The following SORD variants were observed in gnomAD, a reference collection of about 807,000 sequenced individuals.
SORD encodes sorbitol dehydrogenase.
A neutral mutation model predicts 35.6 loss-of-function variants in SORD; 18 were observed. The ratio of observed to expected loss-of-function variants is 0.51; its 90% CI spans 0.35 to 0.75. SORD has a LOEUF of 0.75. SORD is among the 30% of genes least tolerant of loss of function. The pLI, the probability that SORD is intolerant of heterozygous loss-of-function variation, is 0.01. For missense variants in SORD, 250 were observed against 390.2 expected, an observed-to-expected ratio of 0.64 and a Z score of 3.03; for synonymous variants, 106 against 152.9, an observed-to-expected ratio of 0.69 and a Z score of 2.26.
At chr15:45,068,008 A>T (rs1468388416) in intron 5 of SORD, among the ~76,000 whole-genome samples, 173 bp from the exon 6 acceptor site, 1 of 152,172 alleles carries the variant, frequency 6.6e-6, no homozygotes, top group Non-Finnish European at 1.5e-5. Flanking sequence ...ATAATTCTTC[A>T]TGGATTTATT....
At chr15:45,063,035 G>A (rs1488019999) in intron 4 of SORD, among the ~76,000 whole-genome samples, 1 of 147,730 alleles carries the variant, frequency 6.8e-6, no homozygotes, top group Non-Finnish European at 1.5e-5. Flanking sequence ...CTGAAAGAGA[G>A]CCTTGTGCTG....
At chr15:45,062,915 T>C (rs1893344506) in intron 4 of SORD, among the ~76,000 whole-genome samples, 1 of 146,406 alleles carries the variant, frequency 6.8e-6, no homozygotes. Context: ...GAGAAAAGCA[T>C]ATCAAGTCTC....
chr15:45,038,068 C>A (rs1892898524), intron 1 of SORD, among the ~76,000 whole-genome samples: 1 of 152,262 alleles, frequency 6.6e-6, no homozygotes, highest in South Asian at 2.1e-4. Flanking sequence ...GTTTTGGTGA[C>A]AATCAGCTAT....
chr15:45,072,758 C>T (rs192345368), intron 8 of SORD, among the ~76,000 whole-genome samples: 1 of 139,130 alleles, frequency 7.2e-6, no homozygotes, highest in Non-Finnish European at 1.5e-5. Context: ...CATTTTCTCC[C>T]TTTAAAGGGA....
intron 1 of SORD, among the ~76,000 whole-genome samples, chr15:45,039,543 T>C (rs959220748): frequency 6.6e-6 from 1 of 152,038 alleles, no homozygotes; most frequent in African/African-American, 2.4e-5. Context: ...GAAAGAAGGC[T>C]TAGTAAACCA....
chr15:45,053,666 T>A (rs1200244218), intron 3 of SORD, among the ~76,000 whole-genome samples: 1 of 151,848 alleles, frequency 6.6e-6, no homozygotes, highest in Non-Finnish European at 1.5e-5. Flanking sequence ...TATTATACTT[T>A]AAGTTTTAGG....
intron 4 of SORD, among the ~76,000 whole-genome samples, chr15:45,064,616 A>G (rs893924686): frequency 9.9e-5 from 15 of 152,174 alleles, no homozygotes; most frequent in Non-Finnish European, 1.9e-4. Context: ...CAGGGCAGCC[A>G]CTGTCCTCAG....
intron 3 of SORD, among the ~76,000 whole-genome samples, chr15:45,052,686 C>G (rs1172965499): frequency 6.6e-6 from 1 of 152,198 alleles, no homozygotes; most frequent in African/African-American, 2.4e-5. Context: ...CAGACAGAGT[C>G]TCAGCCTTGC....
At chr15:45,036,529 C>T (rs1892869971) in intron 1 of SORD, among the ~76,000 whole-genome samples, 1 of 151,578 alleles carries the variant, frequency 6.6e-6, no homozygotes, top group African/African-American at 2.4e-5. Context: ...CCGTCTCTAC[C>T]AAAAATAAAA....
rs200542460 is a variant in SORD at position 45,034,201 on chromosome 15, T to C, written c.67-6207T>C. Among the ~76,000 whole-genome samples the C allele has an allele frequency of 3.4e-4, 52 of 151,974 alleles. 1 individual carries two copies. The highest frequency in any genetic ancestry group is 2.7e-3 in the East Asian group (14 of 5,180). ...GCATTCCCTTTCATGATTATCATTATATGAAGGAGGAAATTGGGGCACACA... is the reference window on the plus strand; with the variant it reads ...GCATTCCCTTTCATGATTATCATTACATGAAGGAGGAAATTGGGGCACACA... On this transcript the variant is annotated intron_variant, in intron 1 of 8. Coordinates refer to ENST00000267814, the MANE Select transcript of SORD (RefSeq NM_003104.6).
At chr15:45,042,499 A>AT (rs1555409489) in intron 2 of SORD, 1 of 150,658 alleles carries the variant, frequency 6.6e-6, no homozygotes. Context: ...CTAAAAATAA[A>AT]AAATAAATAA....
At position 45,065,317 on chromosome 15, in the gene SORD, C is replaced by A. The variant is rs377682512; in HGVS notation, c.472C>A (p.Leu158Ile). 4.3e-6 allele frequency: 7 copies of A among 1,613,916 alleles called. No individual in the cohort carries two copies. Among genetic ancestry groups the A allele is most frequent in the Admixed American group, 1.7e-5 (1 of 59,996 alleles). ...TFEEGALIEPLSVGIHACRRG... is the reference protein window; with the variant it reads ...TFEEGALIEPISVGIHACRRG... ...TGAGGAAGGCGCCCTGATCGAGCCA[C>A]TTTCTGTGGGGATCCATGCCTGCAG... The change falls in exon 5 of 9, where the codon CTT becomes ATT. Residue 158 changes from leucine to isoleucine, a missense_variant. Physicochemically the swap from Leu to Ile is conservative, Grantham distance 5. Transcript: ENST00000267814.
At chr15:45,035,427 A>G (rs188154456) in intron 1 of SORD, among the ~76,000 whole-genome samples, 5 of 152,120 alleles carry the variant, frequency 3.3e-5, no homozygotes, top group Admixed American at 2.0e-4. Context: ...CTCAGGGTTT[A>G]TGAATGCACC....
At chr15:45,049,068 CT>C (rs1284561083) in intron 3 of SORD, among the ~76,000 whole-genome samples, 1 of 152,156 alleles carries the variant, frequency 6.6e-6, no homozygotes, top group East Asian at 1.9e-4. Context: ...GGGGAGGAAA[CT>C]TTTTCCTGGG....
intron 1 of SORD, among the ~76,000 whole-genome samples, chr15:45,037,251 T>C (rs1276386624): frequency 1.3e-5 from 2 of 152,254 alleles, no homozygotes; most frequent in Non-Finnish European, 2.9e-5. Flanking sequence ...CACAGCACCC[T>C]CTCGTGTCTG....
chr15:45,033,904 A>G (rs1315125001), intron 1 of SORD, among the ~76,000 whole-genome samples: 1 of 151,952 alleles, frequency 6.6e-6, no homozygotes, highest in Admixed American at 6.6e-5. Flanking sequence ...ATCTCTCCTG[A>G]TTTCTCGGAA....
In SORD at chr15:45,026,115, G is replaced by A. The variant is rs181687809; in HGVS notation, c.66+2766G>A. Among the ~76,000 whole-genome samples, 286 of 152,198 alleles carry A rather than the reference G, an allele frequency of 1.9e-3. 2 individuals carry two copies. Among genetic ancestry groups the A allele is most frequent in the African/African-American group, 6.2e-3 (259 of 41,488 alleles). On this transcript the variant is annotated intron_variant, in intron 1 of 8. Transcript: ENST00000267814. ...CTCAACACAGACCTTCTGGGCCCTC[G>A]CCACTCCTTCTCAGGCATGGTCTTC...
At position 45,077,116 on chromosome 15, in the gene SORD, T is replaced by C. The variant is rs1345110579; in HGVS notation, c.*3586T>C. The C allele has an allele frequency of 6.8e-6, 1 of 147,166 alleles. No homozygotes were observed. Among genetic ancestry groups the C allele is most frequent in the African/African-American group, 2.7e-5 (1 of 37,132 alleles). The allele number at this position is 147,166 out of a possible 1,614,324, so 9.1% of individuals were successfully genotyped here. On this transcript the variant is annotated 3_prime_UTR_variant, in exon 9 of 9. Transcript: ENST00000267814. ...TCATTTATAAAGCAAATTGCAGTAT[T>C]TTGAGTGTTTGGATAGTTTACAGAG...
intron 1 of SORD, among the ~76,000 whole-genome samples, chr15:45,035,448 C>T (rs1053949544): frequency 6.6e-5 from 10 of 151,796 alleles, no homozygotes; most frequent in Non-Finnish European, 1.2e-4. Context: ...AATCCACACT[C>T]TGTATCTAGC....
Sources: allele counts gnomAD v4.1 joint callset (sites outside exome capture counted in the v4.1 genomes callset), GRCh38; gene constraint gnomAD v4.1.1; transcripts MANE v1.5; gene names NCBI Gene and HGNC (gene_info 2026-07-23, HGNC 2026-07-21).